The following ANGPT1 variants were observed in gnomAD, a reference collection of about 807,000 sequenced individuals.
The protein encoded by ANGPT1 is angiopoietin 1.
Under a neutral mutation model 62.2 loss-of-function variants are expected in ANGPT1, and 17 were observed. The ratio of observed to expected loss-of-function variants is 0.27; its 90% CI spans 0.19 to 0.41. The LOEUF is 0.41. Ranked by LOEUF, ANGPT1 falls within the 10% of genes least tolerant of loss-of-function variation. The pLI, the probability that ANGPT1 is intolerant of heterozygous loss-of-function variation, is 1.00. For missense variants in ANGPT1, 478 were observed against 594.9 expected (o/e 0.80, Z 2.04); for synonymous variants, 199 against 198.9 (o/e 1.00, Z 0.00).
At chr8:107,265,248 T>C (rs1813585812) in intron 7 of ANGPT1, among the ~76,000 whole-genome samples, 1 of 152,200 alleles carries the variant, frequency 6.6e-6, no homozygotes, top group South Asian at 2.1e-4. Context: ...CCAGGAATGT[T>C]TGTTTTCAAC....
intron 1 of ANGPT1, among the ~76,000 whole-genome samples, chr8:107,430,347 C>CA (rs1811149700): frequency 6.6e-6 from 1 of 152,186 alleles, no homozygotes; most frequent in Admixed American, 6.5e-5. Flanking sequence ...GCTAAGTACT[C>CA]ACAATGCAGC....
chr8:107,458,641 C>T (rs1312254853), intron 1 of ANGPT1, among the ~76,000 whole-genome samples: 1 of 152,046 alleles, frequency 6.6e-6, no homozygotes, highest in Non-Finnish European at 1.5e-5. Context: ...GAATGTTATA[C>T]TATGTTTGAT....
At chr8:107,259,249 CTAAGACAAT>C in intron 8 of ANGPT1, among the ~76,000 whole-genome samples, 1 of 152,150 alleles carries the variant, frequency 6.6e-6, no homozygotes, top group East Asian at 1.9e-4. Flanking sequence ...CCCAAAAATG[CTAAGACAAT>C]TATATTTTCC....
At chr8:107,430,511 G>A (rs1044778879) in intron 1 of ANGPT1, among the ~76,000 whole-genome samples, 2 of 152,142 alleles carry the variant, frequency 1.3e-5, no homozygotes, top group South Asian at 4.1e-4. Flanking sequence ...CCGTGTGGTA[G>A]GCTAAATAAT....
At chr8:107,410,539 T>C (rs554255355) in intron 1 of ANGPT1, among the ~76,000 whole-genome samples, 13 of 152,284 alleles carry the variant, frequency 8.5e-5, no homozygotes, top group African/African-American at 2.9e-4. Context: ...ATTGTTTTGG[T>C]AGAGGAAACT....
At chr8:107,312,068 A>C (rs1814883359) in intron 4 of ANGPT1, among the ~76,000 whole-genome samples, 1 of 151,772 alleles carries the variant, frequency 6.6e-6, no homozygotes, top group South Asian at 2.1e-4. Flanking sequence ...CGTTTCAAAA[A>C]AAAAAAAAAA....
At chr8:107,266,943 G>GT (rs1361046366) in intron 7 of ANGPT1, among the ~76,000 whole-genome samples, 3 of 152,104 alleles carry the variant, frequency 2.0e-5, no homozygotes, top group Admixed American at 2.0e-4. Flanking sequence ...AAAGCAAAAA[G>GT]AAGAAATAAA....
At chr8:107,457,825 TACACACACACACAC>T (rs148742634) in intron 1 of ANGPT1, among the ~76,000 whole-genome samples, 3 of 81,682 alleles carry the variant, frequency 3.7e-5, no homozygotes, top group African/African-American at 8.5e-5. Context: ...ACATACCCAC[TACACACACACACAC>T]ACACACACAC....
intron 1 of ANGPT1, among the ~76,000 whole-genome samples, chr8:107,395,668 T>A (rs947969377): frequency 5.9e-5 from 9 of 152,222 alleles, no homozygotes; most frequent in Non-Finnish European, 1.3e-4. Flanking sequence ...ATGTTGTCAC[T>A]TCTATATGTT....
intron 3 of ANGPT1, among the ~76,000 whole-genome samples, chr8:107,330,617 G>A (rs73701097): frequency 0.044 from 6,671 of 152,230 alleles, 473 homozygotes; most frequent in African/African-American, 0.15. Flanking sequence ...TCTGGATAAG[G>A]ACTGGAGTGG....
At chr8:107,269,310 A>T (rs2130061416) in intron 7 of ANGPT1, among the ~76,000 whole-genome samples, 1 of 151,898 alleles carries the variant, frequency 6.6e-6, no homozygotes, top group African/African-American at 2.4e-5. Context: ...CTGTAATTAG[A>T]TTTAAAAAAA....
chr8:107,297,847 T>C (rs566388503), intron 5 of ANGPT1, among the ~76,000 whole-genome samples: 5 of 150,744 alleles, frequency 3.3e-5, no homozygotes, highest in East Asian at 3.9e-4. Context: ...AGCCTATTAT[T>C]TTTAGTCAGA....
intron 1 of ANGPT1, among the ~76,000 whole-genome samples, chr8:107,419,268 T>A (rs529233468): frequency 6.6e-6 from 1 of 152,158 alleles, no homozygotes. Flanking sequence ...CCTTCTCCCC[T>A]GAAGCAGGCT....
intron 4 of ANGPT1, among the ~76,000 whole-genome samples, chr8:107,320,325 TA>T (rs1343387286): frequency 7.2e-5 from 11 of 152,158 alleles, no homozygotes; most frequent in African/African-American, 2.7e-4. Flanking sequence ...TAAATTATGA[TA>T]AGTACGCAGA....
At chr8:107,343,051 T>C (rs1586240944) in intron 2 of ANGPT1, among the ~76,000 whole-genome samples, 1 of 147,438 alleles carries the variant, frequency 6.8e-6, no homozygotes, top group Non-Finnish European at 1.5e-5. Flanking sequence ...CCCAGGCTGG[T>C]GTCAAACTCC....
At chr8:107,414,456 C>T (rs1185500108) in intron 1 of ANGPT1, among the ~76,000 whole-genome samples, 1 of 152,082 alleles carries the variant, frequency 6.6e-6, no homozygotes, top group Non-Finnish European at 1.5e-5. Flanking sequence ...TAAATATATA[C>T]ACTTATTATT....
In ANGPT1 at chr8:107,497,567, C is replaced by T; in HGVS notation, c.-9G>A. 13 of 1,610,428 alleles carry T rather than the reference C, an allele frequency of 8.1e-6. No homozygotes were observed. Among genetic ancestry groups the T allele is most frequent in the Non-Finnish European group, 1.1e-5 (13 of 1,177,634 alleles). On this transcript the variant is annotated 5_prime_UTR_variant, in exon 1 of 9. Transcript: ENST00000517746. ...GAAAGGAAAACTGTCATTGTACTGC[C>T]AGCACACTCCTTCCGTGCCTCTCGC...
intron 1 of ANGPT1, among the ~76,000 whole-genome samples, chr8:107,379,888 T>G (rs1434637685): frequency 6.6e-6 from 1 of 152,156 alleles, no homozygotes; most frequent in African/African-American, 2.4e-5. Context: ...GAACATTATG[T>G]ATTGAAAAAG....
chr8:107,303,267 A>G lies in ANGPT1; in HGVS notation c.909T>C (p.Tyr303=), dbSNP rs1324367683. 6.2e-7 allele frequency: 1 copy of G among 1,609,412 alleles called. No individual in the cohort carries two copies. The highest frequency in any genetic ancestry group is 8.5e-7 in the Non-Finnish European group (1 of 1,176,784). Residue 303 remains tyrosine (Y), a synonymous_variant, in exon 5 of 9, where the codon TAT becomes TAC. Coordinates refer to ENST00000517746, the MANE Select transcript of ANGPT1 (RefSeq NM_001146.5). The stretch of plus-strand genomic sequence containing the variant: ...TTTTGGGTTCTGGCATATTATTAAT[A>G]TAAATAGTGTAGATTCCACTTTTAT... ...GFNKSGIYTI[Y]INNMPEPKKV...
Sources: allele counts gnomAD v4.1 joint callset (sites outside exome capture counted in the v4.1 genomes callset), GRCh38; gene constraint gnomAD v4.1.1; transcripts MANE v1.5; gene names NCBI Gene and HGNC (gene_info 2026-07-23, HGNC 2026-07-21).